The following WDR17 variants were observed in gnomAD, a reference collection of about 807,000 sequenced individuals.
WDR17 encodes WD repeat domain 17.
WDR17 carries 143 observed loss-of-function variants against 161.7 expected under a neutral mutation model. The ratio of observed to expected loss-of-function variants is 0.88; its 90% CI spans 0.77 to 1.02. WDR17 has a LOEUF of 1.02. Ranked by LOEUF, WDR17 falls within the 50% of genes least tolerant of loss-of-function variation. The pLI is 0.00. For synonymous variants in WDR17, 517 were observed against 515.6 expected (o/e 1.00, Z -0.04); for missense variants, 1,469 against 1,520.9 (o/e 0.97, Z 0.57).
chr4:176,159,970 A>G, intron 18 of WDR17, 24 bp from the exon 19 acceptor site: 4 of 1,556,242 alleles, frequency 2.6e-6, no homozygotes, highest in Non-Finnish European at 3.5e-6. Context: ...TATATTGTTT[A>G]AAAAACTGTC....
chr4:176,124,391 C>T (rs551483336), intron 4 of WDR17, among the ~76,000 whole-genome samples: 1 of 152,188 alleles, frequency 6.6e-6, no homozygotes, highest in South Asian at 2.1e-4. Flanking sequence ...GTTTTAACTC[C>T]CTATCTTTCT....
chr4:176,095,530 A>C (rs934877336), intron 1 of WDR17, among the ~76,000 whole-genome samples: 1 of 152,188 alleles, frequency 6.6e-6, no homozygotes, highest in Non-Finnish European at 1.5e-5. Context: ...CTATGCCAGA[A>C]CAAAAGCTAT....
intron 1 of WDR17, among the ~76,000 whole-genome samples, chr4:176,105,165 T>G (rs1055387204): frequency 5.9e-5 from 9 of 152,144 alleles, no homozygotes; most frequent in African/African-American, 2.2e-4. Context: ...TAATAAAGTT[T>G]CAATGCAGCA....
At chr4:176,075,738 C>G (rs1352493646) in intron 1 of WDR17, among the ~76,000 whole-genome samples, 1 of 152,036 alleles carries the variant, frequency 6.6e-6, no homozygotes, top group Admixed American at 6.6e-5. Context: ...TTTTGGGAGG[C>G]TGAGGCAGGA....
intron 6 of WDR17, among the ~76,000 whole-genome samples, chr4:176,130,569 C>T (rs968795161): frequency 1.0e-4 from 15 of 150,126 alleles, no homozygotes; most frequent in East Asian, 2.0e-4. Flanking sequence ...ACAGTGAAAC[C>T]CTGTCTCTAC....
intron 22 of WDR17, among the ~76,000 whole-genome samples, chr4:176,167,575 G>GA (rs547181544): frequency 1.4e-5 from 2 of 145,808 alleles, no homozygotes; most frequent in Non-Finnish European, 1.5e-5. Flanking sequence ...GAACCCCAGG[G>GA]GGCGGAGCCT....
intron 26 of WDR17, among the ~76,000 whole-genome samples, chr4:176,175,363 A>G (rs1035248749): frequency 2.0e-4 from 30 of 152,242 alleles, no homozygotes; most frequent in Admixed American, 5.9e-4. Context: ...CCATACTCCT[A>G]CATTTTATAA....
At chr4:176,096,686 C>A in intron 1 of WDR17, 1 of 935,212 alleles carries the variant, frequency 1.1e-6, no homozygotes, top group South Asian at 2.0e-5. Flanking sequence ...TGGACATTTT[C>A]GCATTGCAAA....
chr4:176,068,070 C>T (rs112700609), intron 1 of WDR17: 2 of 152,098 alleles, frequency 1.3e-5, no homozygotes, highest in African/African-American at 2.4e-5. Context: ...AGAAAGGTAA[C>T]GCTTTATCAG....
At chr4:176,110,667 A>G (rs1486556183) in intron 1 of WDR17, among the ~76,000 whole-genome samples, 3 of 152,192 alleles carry the variant, frequency 2.0e-5, no homozygotes, top group African/African-American at 7.2e-5. Context: ...CCAGTATCTT[A>G]GAGGAATTTA....
At chr4:176,109,210 T>C (rs1739302383) in intron 1 of WDR17, among the ~76,000 whole-genome samples, 1 of 152,194 alleles carries the variant, frequency 6.6e-6, no homozygotes, top group Non-Finnish European at 1.5e-5. Context: ...GATGCAAATG[T>C]TATAAATAGT....
chr4:176,163,646 T>C (rs1749375026), intron 22 of WDR17, among the ~76,000 whole-genome samples: 1 of 152,222 alleles, frequency 6.6e-6, no homozygotes, highest in Non-Finnish European at 1.5e-5. Context: ...TGTCAGATCT[T>C]GTGTCCTATT....
chr4:176,172,295 T>G, intron 23 of WDR17, 80 bp from the exon 24 acceptor site: 1 of 1,313,164 alleles, frequency 7.6e-7, no homozygotes, highest in South Asian at 1.4e-5. Flanking sequence ...CTAGGAAAGC[T>G]GAAAGTATTT....
At chr4:176,162,021 C>A in intron 20 of WDR17, 54 bp from the exon 21 acceptor site, 1 of 1,435,376 alleles carries the variant, frequency 7.0e-7, no homozygotes, top group Non-Finnish European at 9.5e-7. Flanking sequence ...TATTAGTTTG[C>A]TTTTATAATG....
At chr4:176,163,057 G>T in intron 21 of WDR17, 97 bp from the exon 22 acceptor site, 1 of 1,435,252 alleles carries the variant, frequency 7.0e-7, no homozygotes, top group South Asian at 1.2e-5. Flanking sequence ...TTGATTTATA[G>T]GTTAATACTG....
At chr4:176,148,405 A>G in intron 13 of WDR17, 70 bp downstream of exon 13, 1 of 1,373,364 alleles carries the variant, frequency 7.3e-7, no homozygotes, top group Non-Finnish European at 1.0e-6. Context: ...ACTTCTGAGG[A>G]ATACAGTATT....
At chr4:176,125,496 G>T in intron 5 of WDR17, 141 bp downstream of exon 5, 2 of 1,054,766 alleles carry the variant, frequency 1.9e-6, no homozygotes, top group Non-Finnish European at 2.6e-6. Flanking sequence ...AATTACTAGT[G>T]TACTTTTATT....
chr4:176,177,343 T>G, intron 27 of WDR17, 128 bp from the exon 28 acceptor site: 1 of 1,035,386 alleles, frequency 9.7e-7, no homozygotes, highest in Non-Finnish European at 1.4e-6. Flanking sequence ...TACTATAAAT[T>G]AAGTCTAAAG....
chr4:176,066,418 C>T (rs948410652), intron 1 of WDR17, among the ~76,000 whole-genome samples: 1 of 152,108 alleles, frequency 6.6e-6, no homozygotes, highest in Non-Finnish European at 1.5e-5. Context: ...CTGTTCTCAT[C>T]CCTCCGCCGG....
Sources: gnomAD v4.1 joint callset for allele counts (sites outside exome capture counted in the v4.1 genomes callset) on GRCh38, gnomAD v4.1.1 for gene constraint, MANE v1.5 for transcripts, NCBI Gene and HGNC (gene_info 2026-07-23, HGNC 2026-07-21) for gene names.